The following JAKMIP2 variants were observed in gnomAD, a reference collection of about 807,000 sequenced individuals.
JAKMIP2 encodes the protein janus kinase and microtubule-interacting protein 2.
In JAKMIP2, 25 loss-of-function variants were observed where a neutral mutation model predicts 115.0. That is an observed-to-expected ratio of 0.22 (90% CI 0.16 to 0.30). The LOEUF (loss-of-function observed/expected upper bound fraction) is 0.30. Ranked by LOEUF, JAKMIP2 falls within the 10% of genes least tolerant of loss-of-function variation. JAKMIP2 has a pLI of 1.00. For synonymous variants in JAKMIP2, 334 were observed against 343.6 expected (o/e 0.97, Z 0.31); for missense variants, 642 against 957.6 (o/e 0.67, Z 4.35).
chr5:147,748,428 G>A (rs747741382), intron 1 of JAKMIP2, among the ~76,000 whole-genome samples: 38 of 151,858 alleles, frequency 2.5e-4, no homozygotes, highest in Admixed American at 4.6e-4. Flanking sequence ...GGTAGATAGC[G>A]AGGGTAAAAG....
At chr5:147,605,725 TA>T in intron 20 of JAKMIP2, among the ~76,000 whole-genome samples, 1 of 152,154 alleles carries the variant, frequency 6.6e-6, no homozygotes, top group Non-Finnish European at 1.5e-5. Context: ...GGTCAAATGG[TA>T]TTTCTAGTTC....
intron 1 of JAKMIP2, among the ~76,000 whole-genome samples, chr5:147,693,581 T>TA (rs952850705): frequency 1.8e-4 from 28 of 151,386 alleles, no homozygotes; most frequent in South Asian, 1.5e-3. Flanking sequence ...CATTTTTTAA[T>TA]AAAAAAAGGG....
In JAKMIP2 at chr5:147,667,508, A is replaced by G. The variant is rs563554693; in HGVS notation, c.129+4170T>C. The stretch of plus-strand genomic sequence containing the variant: ...GACAGCTCAGTCAAAGGTAAGGAAA[A>G]GGTTGAGAGGTTATCAAGGCAAGCT... On this transcript the variant is annotated intron_variant, in intron 2 of 21. Transcript: ENST00000616793. Among the ~76,000 whole-genome samples the G allele has an allele frequency of 2.0e-5, 3 of 152,298 alleles. No homozygotes were observed. In the South Asian group the frequency reaches 6.2e-4, roughly 32 times the overall value.
At chr5:147,715,914 T>C (rs565891609) in intron 1 of JAKMIP2, among the ~76,000 whole-genome samples, 173 of 148,268 alleles carry the variant, frequency 1.2e-3, no homozygotes, top group Non-Finnish European at 1.7e-3. Flanking sequence ...TACATATGTA[T>C]ACATGTGCCA....
intron 1 of JAKMIP2, among the ~76,000 whole-genome samples, chr5:147,750,850 C>T (rs902994954): frequency 6.6e-6 from 1 of 152,050 alleles, no homozygotes; most frequent in Non-Finnish European, 1.5e-5. Context: ...CATTGGCAAG[C>T]CAGCAAGAAA....
At chr5:147,597,713 T>G (rs1561837909) in intron 21 of JAKMIP2, among the ~76,000 whole-genome samples, 1 of 152,226 alleles carries the variant, frequency 6.6e-6, no homozygotes, top group Non-Finnish European at 1.5e-5. Flanking sequence ...CTTTCCTTTG[T>G]CTCCCTGTGT....
rs34831610 is a variant in JAKMIP2 at position 147,637,437 on chromosome 5, ATTTTTT to A, written c.1531-395_1531-390del. ...CATTTTGCCTCCCCAAATTCTTTTG[ATTTTTT>A]TTTTTTTTTTTTTTGAGACAGAGTC... is the stretch of plus-strand genomic sequence containing the variant. On this transcript the variant is annotated intron_variant, in intron 10 of 21. Transcript: ENST00000616793. Among the ~76,000 whole-genome samples the A allele has an allele frequency of 3.2e-3, 254 of 79,310 alleles. 8 individuals carry two copies. The highest frequency in any genetic ancestry group is 0.011 in the African/African-American group (246 of 23,130). The allele number at this position is 79,310 out of a possible 152,430, so 52.0% of individuals were successfully genotyped here. A position where few individuals can be genotyped will look rare whatever the true frequency, so the allele number is the denominator to read the frequency against.
intron 1 of JAKMIP2, among the ~76,000 whole-genome samples, chr5:147,734,804 G>A (rs1753860289): frequency 6.6e-6 from 1 of 152,050 alleles, no homozygotes; most frequent in African/African-American, 2.4e-5. Context: ...ATTGATTTTG[G>A]GGTAAGATTT....
At chr5:147,642,306 A>T (rs1757917230) in intron 7 of JAKMIP2, among the ~76,000 whole-genome samples, 2 of 152,146 alleles carry the variant, frequency 1.3e-5, no homozygotes, top group South Asian at 4.1e-4. Flanking sequence ...TTTTGTCTTC[A>T]GTTTTTAAAA....
At chr5:147,605,251 C>T (rs1755944490) in intron 20 of JAKMIP2, among the ~76,000 whole-genome samples, 1 of 140,400 alleles carries the variant, frequency 7.1e-6, no homozygotes, top group Non-Finnish European at 1.5e-5. Context: ...GCTCTGTCGC[C>T]CAGGCTGGAG....
In JAKMIP2 at chr5:147,657,152, C is replaced by T. The variant is rs527810285; in HGVS notation, c.627+3796G>A. Among the ~76,000 whole-genome samples, 220 of 152,160 alleles carry T rather than the reference C, an allele frequency of 1.4e-3. 2 individuals are homozygous for T. Among genetic ancestry groups the T allele is most frequent in the African/African-American group, 4.9e-3 (202 of 41,518 alleles). Reference sequence around the variant, plus strand: ...AAAATTGGCCGGGCATGGTGGCGGGCGCCTGTAGTCCCGGCTATTCGGGAG... The same window carrying T: ...AAAATTGGCCGGGCATGGTGGCGGGTGCCTGTAGTCCCGGCTATTCGGGAG... On this transcript the variant is annotated intron_variant, in intron 3 of 21. Transcript: ENST00000616793.
At chr5:147,671,275 G>A (rs1416759170) in intron 2 of JAKMIP2, among the ~76,000 whole-genome samples, 1 of 152,192 alleles carries the variant, frequency 6.6e-6, no homozygotes, top group Non-Finnish European at 1.5e-5. Flanking sequence ...TTGGGCAGTG[G>A]AGTAACGTGA....
chr5:147,720,349 G>C (rs1469812211), intron 1 of JAKMIP2, among the ~76,000 whole-genome samples: 11 of 150,362 alleles, frequency 7.3e-5, no homozygotes, highest in Non-Finnish European at 1.6e-4. Flanking sequence ...TTCTCGAGGA[G>C]TATCTTTGTG....
intron 1 of JAKMIP2, among the ~76,000 whole-genome samples, chr5:147,738,813 A>G (rs1754026098): frequency 6.6e-6 from 1 of 152,170 alleles, no homozygotes; most frequent in African/African-American, 2.4e-5. Context: ...GCTACCTCCC[A>G]TGATTGTCAC....
At chr5:147,604,550 C>A (rs868579990) in intron 20 of JAKMIP2, among the ~76,000 whole-genome samples, 1 of 152,106 alleles carries the variant, frequency 6.6e-6, no homozygotes, top group Non-Finnish European at 1.5e-5. Context: ...TTTAACCTCA[C>A]ATATATGGAT....
In JAKMIP2 at chr5:147,754,010, C is replaced by G. The variant is rs1406000101; in HGVS notation, c.-149+28446G>C. On this transcript the variant is annotated intron_variant, in intron 1 of 21. Coordinates refer to ENST00000616793, the MANE Select transcript of JAKMIP2 (RefSeq NM_001270941.2). ...GCAACTACACTGACATCACTGACAT[C>G]ACTGTGCCAACAAACCATGTGATTT... Among the ~76,000 whole-genome samples, 6 of 152,154 alleles carry G rather than the reference C, an allele frequency of 3.9e-5. 1 individual carries two copies. The highest frequency in any genetic ancestry group is 3.3e-4 in the Admixed American group (5 of 15,270).
chr5:147,777,955 A>G (rs1755624093), intron 1 of JAKMIP2, among the ~76,000 whole-genome samples: 1 of 152,178 alleles, frequency 6.6e-6, no homozygotes, highest in East Asian at 1.9e-4. Context: ...AAAGTCGTTG[A>G]ACTGATGCAC....
In JAKMIP2 at chr5:147,697,788, A is replaced by T. The variant is rs1752163662; in HGVS notation, c.-148-25834T>A. ...TCTGCCTAGATTTCAGAGGATGTACAAAAATGCCTGGATGTCCAGGCAGAA... is the reference window on the plus strand; with the variant it reads ...TCTGCCTAGATTTCAGAGGATGTACTAAAATGCCTGGATGTCCAGGCAGAA... On this transcript the variant is annotated intron_variant, in intron 1 of 21. Coordinates refer to ENST00000616793, the MANE Select transcript of JAKMIP2 (RefSeq NM_001270941.2). Among the ~76,000 whole-genome samples the T allele has an allele frequency of 2.0e-5, 3 of 152,236 alleles. No homozygotes were observed. The South Asian group carries it at 6.2e-4, about 31-fold the overall frequency.
Position 147,623,684 on chromosome 5 carries a change from G to T in JAKMIP2, c.2001C>A (p.Ile667=). ...CAGCCTCAGCTCCTTCAATCTGCTG[G>T]ATCCACTAAGGGGTTAACAAGACAA... is the stretch of plus-strand genomic sequence containing the variant. ...STVLSLAEKW[I]QQIEGAEAAL... The change falls in exon 17 of 22, where the codon ATC becomes ATA. Residue 667 remains isoleucine (I), a synonymous_variant. Coordinates refer to ENST00000616793, the MANE Select transcript of JAKMIP2 (RefSeq NM_001270941.2). 6.2e-7 allele frequency: 1 copy of T among 1,609,452 alleles called. No individual in the cohort carries two copies. Among genetic ancestry groups the T allele is most frequent in the Non-Finnish European group, 8.5e-7 (1 of 1,175,830 alleles).
Sources: gnomAD v4.1 joint callset for allele counts (sites outside exome capture counted in the v4.1 genomes callset) on GRCh38, gnomAD v4.1.1 for gene constraint, MANE v1.5 for transcripts, NCBI Gene and HGNC (gene_info 2026-07-23, HGNC 2026-07-21) for gene names.